NAA38: variants seen among roughly 807,000 people sequenced by gnomAD.
The protein encoded by NAA38 is N-alpha-acetyltransferase 38, NatC auxiliary subunit.
A neutral mutation model predicts 12.6 loss-of-function variants in NAA38; 15 were observed. The ratio of observed to expected loss-of-function variants is 1.19; its 90% confidence interval spans 0.79 to 1.83. The LOEUF is 1.83. NAA38 is among the 40% of genes most tolerant of loss of function. NAA38 has a pLI of 0.00. For synonymous variants in NAA38, 88 were observed against 69.9 expected (o/e 1.26, Z -1.29); for missense variants, 183 against 171.7 (o/e 1.07, Z -0.37).
intron 2 of NAA38, 28 bp downstream of exon 2, chr17:7,856,987 G>A (rs765015795): frequency 1.1e-5 from 18 of 1,594,056 alleles, no homozygotes; most frequent in Middle Eastern, 3.3e-4. Flanking sequence ...CACATTACCA[G>A]GCGGGTGTGC....
intron 2 of NAA38, among the ~76,000 whole-genome samples, chr17:7,867,446 C>T (rs539404993): frequency 6.9e-4 from 105 of 152,258 alleles, no homozygotes; most frequent in African/African-American, 2.4e-3. Flanking sequence ...TTAAGCAATT[C>T]TCCTGCCTCA....
chr17:7,858,837 G>T, upstream of NAA38: 1 of 1,523,248 alleles, frequency 6.6e-7, no homozygotes. Context: ...GAGAACTGGT[G>T]ACAAGGAGCA....
At chr17:7,880,004 C>CAG (rs55898750) in intron 2 of NAA38, among the ~76,000 whole-genome samples, 14,111 of 150,344 alleles carry the variant, frequency 0.094, 967 homozygotes, top group East Asian at 0.37. Context: ...GACAGGCAAA[C>CAG]AGAGAGAGAG....
intron 2 of NAA38, among the ~76,000 whole-genome samples, chr17:7,879,928 G>C (rs1967241573): frequency 6.6e-6 from 1 of 152,052 alleles, no homozygotes; most frequent in Admixed American, 6.6e-5. Context: ...CAGAAAAATA[G>C]GCTGGCAGGG....
upstream of NAA38, chr17:7,858,893 C>T: frequency 1.5e-6 from 2 of 1,377,010 alleles, no homozygotes; most frequent in South Asian, 3.0e-5. Context: ...GGCCGATCTT[C>T]AGGGCAACAT....
rs752425204 is a variant in NAA38 at position 7,885,046 on chromosome 17, G to GCCA, written c.-167+116_-167+118dup. The GCCA allele has an allele frequency of 0.042, 44,113 of 1,048,852 alleles. 843 individuals are homozygous for GCCA. The highest frequency in any genetic ancestry group is 0.047 in the Non-Finnish European group (41,266 of 872,170). The allele number at this position is 1,048,852 out of a possible 1,614,324, so 65.0% of individuals were successfully genotyped here. A position where few individuals can be genotyped will look rare whatever the true frequency, so the allele number is the denominator to read the frequency against. ...TCTTCCCGCCGCCGCCGCCGCCGCC[G>GCCA]CCACCGCTGCCCCCGCCGCCGCCGC... is the stretch of plus-strand genomic sequence containing the variant. On this transcript the variant is annotated intron_variant, in intron 1 of 4. Transcript: ENST00000576861.
rs746272624 is a variant in NAA38 at position 7,857,457 on chromosome 17, C to G, written c.7G>C (p.Gly3Arg). 1.3e-6 allele frequency: 2 copies of G among 1,537,546 alleles called. No homozygotes were observed. The highest frequency in any genetic ancestry group is 2.8e-5 in the African/African-American group (2 of 71,884). Residue 3 changes from glycine to arginine, a missense_variant, in exon 1 of 3, where the codon GGA (glycine) becomes CGA (arginine). Physicochemically the swap from Gly to Arg is moderately radical, Grantham distance 125. Coordinates refer to ENST00000575771, the MANE Select transcript of NAA38 (RefSeq NM_001320925.4). The part of the protein sequence containing the change: MA[G>R]AGPTMLLREE... ...CGTAGCAGCATGGTCGGTCCAGCTCCGGCCATTTGCCCGGAGGCCTCCTCT... is the reference window on the plus strand; with the variant it reads ...CGTAGCAGCATGGTCGGTCCAGCTCGGGCCATTTGCCCGGAGGCCTCCTCT...
chr17:7,857,965 CT>C, upstream of NAA38: 2 of 1,471,392 alleles, frequency 1.4e-6, no homozygotes, highest in East Asian at 4.7e-5. Context: ...AACCCCGCCC[CT>C]GATATTTATC....
intron 2 of NAA38, among the ~76,000 whole-genome samples, chr17:7,876,205 T>C (rs908478504): frequency 5.3e-5 from 8 of 152,132 alleles, no homozygotes; most frequent in Admixed American, 2.6e-4. Context: ...TTTGAGGAAC[T>C]GTCAGTTTGT....
intron 3 of NAA38, among the ~76,000 whole-genome samples, chr17:7,866,253 ATTTTT>A (rs56289148): frequency 2.4e-4 from 22 of 90,568 alleles, no homozygotes; most frequent in African/African-American, 6.8e-4. Flanking sequence ...AGCCCGGCTA[ATTTTT>A]TTTTTTTTTT....
intron 2 of NAA38, among the ~76,000 whole-genome samples, chr17:7,866,816 A>G (rs1180449399): frequency 1.3e-5 from 2 of 152,212 alleles, no homozygotes; most frequent in African/African-American, 4.8e-5. Context: ...GACTGTAAGT[A>G]CCATGGGGGC....
chr17:7,880,489 C>G (rs988485486), intron 2 of NAA38, among the ~76,000 whole-genome samples: 7 of 152,158 alleles, frequency 4.6e-5, no homozygotes, highest in African/African-American at 1.7e-4. Flanking sequence ...TAAAATGTCT[C>G]TAAGGTGGCA....
chr17:7,867,331 G>A (rs1163464256), intron 2 of NAA38, among the ~76,000 whole-genome samples: 3 of 151,918 alleles, frequency 2.0e-5, no homozygotes, highest in African/African-American at 7.3e-5. Flanking sequence ...ACAGAGTTAA[G>A]TGTTTTATGT....
At chr17:7,870,035 T>A (rs16957022) in intron 2 of NAA38, among the ~76,000 whole-genome samples, 1 of 152,076 alleles carries the variant, frequency 6.6e-6, no homozygotes, top group Non-Finnish European at 1.5e-5. Context: ...CAATGTCAAA[T>A]GGGAAAAAGT....
chr17:7,858,380 G>T, upstream of NAA38: 1 of 1,614,172 alleles, frequency 6.2e-7, no homozygotes. Flanking sequence ...GGCATTGACA[G>T]TGGCTGTGCT....
chr17:7,873,885 T>G (rs1287549791), intron 2 of NAA38, among the ~76,000 whole-genome samples: 5 of 152,062 alleles, frequency 3.3e-5, no homozygotes, highest in African/African-American at 4.8e-5. Flanking sequence ...AATGAACTAG[T>G]GTAAGGAGAA....
intron 2 of NAA38, among the ~76,000 whole-genome samples, chr17:7,874,571 G>A (rs1369379550): frequency 6.6e-6 from 1 of 152,044 alleles, no homozygotes; most frequent in East Asian, 1.9e-4. Flanking sequence ...ACAAGATGAG[G>A]GAATCTGGAG....
At chr17:7,863,316 T>G (rs980370689) in intron 3 of NAA38, 1 of 152,038 alleles carries the variant, frequency 6.6e-6, no homozygotes, top group African/African-American at 2.4e-5. Flanking sequence ...AGTCCTCTTG[T>G]GGTAATCTCT....
At chr17:7,860,839 C>G (rs956424178), upstream of NAA38, 1 of 149,768 alleles carries the variant, frequency 6.7e-6, no homozygotes, top group Admixed American at 6.8e-5. Context: ...CCAGATTTCT[C>G]TCCTGACCTT....
Sources: allele counts gnomAD v4.1 joint callset (sites outside exome capture counted in the v4.1 genomes callset), GRCh38; gene constraint gnomAD v4.1.1; transcripts MANE v1.5; gene names NCBI Gene and HGNC (gene_info 2026-07-23, HGNC 2026-07-21).